The following DPP10 variants were observed in gnomAD, a reference collection of about 807,000 sequenced individuals.
DPP10 encodes inactive dipeptidyl peptidase 10.
Under a neutral mutation model 120.9 loss-of-function variants are expected in DPP10, and 33 were observed. The observed-to-expected ratio is 0.27, with a 90% CI of 0.21 to 0.37. DPP10 has a LOEUF of 0.37. Among genes scored for constraint, DPP10 ranks in the 10% least tolerant of loss-of-function variants. The pLI, the probability that DPP10 is intolerant of heterozygous loss-of-function variation, is 1.00. For missense variants in DPP10, 816 were observed against 942.8 expected, an observed-to-expected ratio of 0.87 and a Z score of 1.76; for synonymous variants, 337 against 326.1, an observed-to-expected ratio of 1.03 and a Z score of -0.36.
intron 1 of DPP10, among the ~76,000 whole-genome samples, chr2:115,057,991 A>G (rs1046601024): frequency 6.6e-6 from 1 of 152,226 alleles, no homozygotes; most frequent in Middle Eastern, 3.2e-3. Flanking sequence ...ATTGCCAAAG[A>G]ACTAAGAATG....
chr2:114,702,572 T>C (rs575366994), intron 1 of DPP10, among the ~76,000 whole-genome samples: 15 of 152,124 alleles, frequency 9.9e-5, no homozygotes, highest in Non-Finnish European at 2.1e-4. Flanking sequence ...TTACCTCGTA[T>C]ACTTGGCTCC....
chr2:115,779,299 G>C (rs1682476710), intron 15 of DPP10, among the ~76,000 whole-genome samples: 1 of 152,020 alleles, frequency 6.6e-6, no homozygotes, highest in African/African-American at 2.4e-5. Flanking sequence ...AAATGTAGTA[G>C]CAATAAATTT....
chr2:115,503,157 A>G (rs1249629275), intron 4 of DPP10, among the ~76,000 whole-genome samples: 2 of 152,158 alleles, frequency 1.3e-5, no homozygotes, highest in Non-Finnish European at 2.9e-5. Context: ...TGGCAGCAGA[A>G]TGATTCCAAG....
At chr2:115,680,877 G>A (rs2090605211) in intron 5 of DPP10, among the ~76,000 whole-genome samples, 1 of 151,802 alleles carries the variant, frequency 6.6e-6, no homozygotes, top group South Asian at 2.1e-4. Context: ...GAATTCCCAA[G>A]AACAAACAGG....
intron 2 of DPP10, among the ~76,000 whole-genome samples, chr2:115,321,126 C>T (rs1296771497): frequency 6.6e-6 from 1 of 152,078 alleles, no homozygotes; most frequent in Admixed American, 6.6e-5. Flanking sequence ...ATGGCAAAAC[C>T]CTGTCTCTGC....
At chr2:115,303,068 T>C (rs566283549) in intron 1 of DPP10, among the ~76,000 whole-genome samples, 1 of 152,156 alleles carries the variant, frequency 6.6e-6, no homozygotes, top group Admixed American at 6.6e-5. Flanking sequence ...ATAATGTTTG[T>C]TATTTATACT....
intron 5 of DPP10, among the ~76,000 whole-genome samples, chr2:115,624,284 G>A (rs1362297269): frequency 3.9e-5 from 6 of 152,106 alleles, no homozygotes; most frequent in African/African-American, 1.2e-4. Context: ...AAGGCTAGGA[G>A]TATCCTTTTA....
intron 3 of DPP10, among the ~76,000 whole-genome samples, chr2:115,498,391 C>G (rs1396216115): frequency 6.6e-6 from 1 of 152,010 alleles, no homozygotes; most frequent in Admixed American, 6.6e-5. Flanking sequence ...GTGTCAGACA[C>G]CTTTTCGTGT....
chr2:114,509,068 T>C (rs933734116), intron 1 of DPP10, among the ~76,000 whole-genome samples: 1 of 151,982 alleles, frequency 6.6e-6, no homozygotes, highest in African/African-American at 2.4e-5. Context: ...AGATAAGCAA[T>C]GAAATCCAGA....
chr2:115,024,039 C>A (rs568438621), intron 1 of DPP10, among the ~76,000 whole-genome samples: 2 of 152,168 alleles, frequency 1.3e-5, no homozygotes, highest in South Asian at 4.1e-4. Flanking sequence ...GGATAAAAGA[C>A]TACACACTGG....
chr2:115,212,212 T>C (rs959367449), intron 1 of DPP10, among the ~76,000 whole-genome samples: 1 of 152,078 alleles, frequency 6.6e-6, no homozygotes, highest in Non-Finnish European at 1.5e-5. Context: ...CATGCTGGAG[T>C]GAACCTCCCT....
intron 1 of DPP10, among the ~76,000 whole-genome samples, chr2:114,457,275 T>C (rs1453775176): frequency 6.6e-6 from 1 of 152,210 alleles, no homozygotes; most frequent in Admixed American, 6.5e-5. Flanking sequence ...CAGACCACTC[T>C]TTGCTGTGGG....
chr2:114,636,062 A>AT (rs1460513630), intron 1 of DPP10, among the ~76,000 whole-genome samples: 1 of 151,872 alleles, frequency 6.6e-6, no homozygotes, highest in Middle Eastern at 3.2e-3. Context: ...TCACTCATTC[A>AT]TTTTTTTAAG....
chr2:115,822,182 T>C (rs1687881287), intron 21 of DPP10, among the ~76,000 whole-genome samples: 1 of 152,026 alleles, frequency 6.6e-6, no homozygotes, highest in Non-Finnish European at 1.5e-5. Flanking sequence ...CATAACTGAT[T>C]TGTTGACCAT....
At chr2:115,774,285 T>C (rs2149836075) in intron 13 of DPP10, among the ~76,000 whole-genome samples, 1 of 151,996 alleles carries the variant, frequency 6.6e-6, no homozygotes, top group East Asian at 1.9e-4. Flanking sequence ...CCTAGAAATC[T>C]GTGGGCCAAA....
chr2:114,838,132 T>C (rs982090229), intron 1 of DPP10, among the ~76,000 whole-genome samples: 2 of 152,094 alleles, frequency 1.3e-5, no homozygotes, highest in Admixed American at 6.6e-5. Context: ...AAGGGCCAGA[T>C]TGGTCTGTGG....
At chr2:115,712,822 A>C (rs1210819623) in intron 7 of DPP10, among the ~76,000 whole-genome samples, 1 of 151,806 alleles carries the variant, frequency 6.6e-6, no homozygotes, top group Non-Finnish European at 1.5e-5. Flanking sequence ...GAAAAAAATG[A>C]AATATGTTTT....
At chr2:114,683,981 T>C (rs1265216062) in intron 1 of DPP10, among the ~76,000 whole-genome samples, 4 of 152,034 alleles carry the variant, frequency 2.6e-5, no homozygotes, top group African/African-American at 9.7e-5. Flanking sequence ...TATTGTATTA[T>C]GGGGTAAAGG....
chr2:115,356,596 T>A (rs2064407491), intron 3 of DPP10, among the ~76,000 whole-genome samples: 1 of 152,114 alleles, frequency 6.6e-6, no homozygotes, highest in Non-Finnish European at 1.5e-5. Flanking sequence ...CTATCTTGAA[T>A]AGGGGTAGTG....
Sources: allele counts gnomAD v4.1 joint callset (sites outside exome capture counted in the v4.1 genomes callset), GRCh38; gene constraint gnomAD v4.1.1; transcripts MANE v1.5; gene names NCBI Gene and HGNC (gene_info 2026-07-23, HGNC 2026-07-21).